Variants in RPS6KC1 observed in about 807,000 individuals in gnomAD.
RPS6KC1 encodes ribosomal protein S6 kinase C1, also known as inactive ribosomal protein S6 kinase delta-1.
Under a neutral mutation model 103.8 loss-of-function variants are expected in RPS6KC1, and 54 were observed. That is an observed-to-expected ratio of 0.52 (90% CI 0.42 to 0.65). The LOEUF (loss-of-function observed/expected upper bound fraction) is 0.65. Ranked by LOEUF, RPS6KC1 falls within the 30% of genes least tolerant of loss-of-function variation. RPS6KC1 has a pLI of 0.00. For synonymous variants in RPS6KC1, 439 were observed against 438.7 expected (o/e 1.00, Z -0.01); for missense variants, 1,151 against 1,253.8 (o/e 0.92, Z 1.24).
the RPS6KC1 span, among the ~76,000 whole-genome samples, chr1:213,281,508 G>A: frequency 8.6e-3 from 1,315 of 152,294 alleles, 44 homozygotes; most frequent in East Asian, 0.08. Flanking sequence ...CCTTTTGCCT[G>A]CACCCCATTC....
intron 3 of RPS6KC1, among the ~76,000 whole-genome samples, chr1:213,097,910 A>G (rs2081612858): frequency 6.6e-6 from 1 of 152,142 alleles, no homozygotes. Flanking sequence ...ATAGAATTAG[A>G]GAGTTAGGGC....
the RPS6KC1 span, among the ~76,000 whole-genome samples, chr1:213,398,358 G>C: frequency 2.6e-5 from 4 of 152,066 alleles, no homozygotes; most frequent in Admixed American, 2.6e-4. Context: ...CATCAGCTTT[G>C]ACTTTCATTT....
the RPS6KC1 span, among the ~76,000 whole-genome samples, chr1:213,489,562 C>G: frequency 6.6e-6 from 1 of 152,140 alleles, no homozygotes; most frequent in Non-Finnish European, 1.5e-5. Flanking sequence ...ACATAACACA[C>G]CATCCTCACT....
chr1:213,340,160 C>T, the RPS6KC1 span, among the ~76,000 whole-genome samples: 2 of 152,178 alleles, frequency 1.3e-5, no homozygotes, highest in Non-Finnish European at 2.9e-5. Context: ...GGATTACAGG[C>T]GTGAGCCACC....
chr1:213,468,549 A>G, the RPS6KC1 span, among the ~76,000 whole-genome samples: 1 of 152,178 alleles, frequency 6.6e-6, no homozygotes, highest in South Asian at 2.1e-4. Context: ...GTTTCCTGAA[A>G]TAGAGAGAGA....
chr1:213,520,936 C>T, the RPS6KC1 span, among the ~76,000 whole-genome samples: 1 of 152,190 alleles, frequency 6.6e-6, no homozygotes, highest in African/African-American at 2.4e-5. Flanking sequence ...CCTCTCCATT[C>T]CTACTCCCCA....
At chr1:213,469,765 A>G in the RPS6KC1 span, among the ~76,000 whole-genome samples, 3 of 152,304 alleles carry the variant, frequency 2.0e-5, no homozygotes, top group African/African-American at 4.8e-5. Context: ...AAAAATAACA[A>G]TTTGTCTTTG....
chr1:213,521,732 C>A, the RPS6KC1 span, among the ~76,000 whole-genome samples: 2 of 152,244 alleles, frequency 1.3e-5, no homozygotes, highest in East Asian at 3.9e-4. Flanking sequence ...TTCAGGAAAC[C>A]ATTTTCTTTG....
At chr1:213,731,083 T>C in the RPS6KC1 span, among the ~76,000 whole-genome samples, 1 of 152,208 alleles carries the variant, frequency 6.6e-6, no homozygotes, top group Non-Finnish European at 1.5e-5. Context: ...GTTGTAGGTA[T>C]GCAGTCTTAT....
chr1:213,508,284 C>T, the RPS6KC1 span, among the ~76,000 whole-genome samples: 1 of 152,172 alleles, frequency 6.6e-6, no homozygotes, highest in Admixed American at 6.5e-5. Flanking sequence ...AAATGAAAGC[C>T]AATTTCTCTG....
chr1:213,152,296 C>T (rs2089213778), intron 6 of RPS6KC1, among the ~76,000 whole-genome samples: 1 of 149,570 alleles, frequency 6.7e-6, no homozygotes, highest in South Asian at 2.1e-4. Flanking sequence ...CCCTACCTCC[C>T]TCCCGGATGG....
intron 8 of RPS6KC1, among the ~76,000 whole-genome samples, chr1:213,209,378 T>C (rs1292094937): frequency 6.6e-6 from 1 of 152,074 alleles, no homozygotes; most frequent in Non-Finnish European, 1.5e-5. Flanking sequence ...AGTCCACAGA[T>C]TAAAGTGAAA....
the RPS6KC1 span, among the ~76,000 whole-genome samples, chr1:213,510,981 A>G: frequency 2.0e-5 from 3 of 152,152 alleles, no homozygotes; most frequent in African/African-American, 4.8e-5. Flanking sequence ...GGGGAAGGAA[A>G]CAAATTCCCT....
At chr1:213,306,991 C>T in the RPS6KC1 span, among the ~76,000 whole-genome samples, 1 of 151,774 alleles carries the variant, frequency 6.6e-6, no homozygotes, top group African/African-American at 2.4e-5. Context: ...CAGTTGGTGC[C>T]AGATCTAAGT....
chr1:213,519,895 T>C, the RPS6KC1 span, among the ~76,000 whole-genome samples: 1 of 152,138 alleles, frequency 6.6e-6, no homozygotes, highest in Non-Finnish European at 1.5e-5. Context: ...TCAAATGAAC[T>C]CCAGAAAAGT....
At chr1:213,081,764 A>G (rs2079914877) in intron 3 of RPS6KC1, among the ~76,000 whole-genome samples, 1 of 152,038 alleles carries the variant, frequency 6.6e-6, no homozygotes, top group Non-Finnish European at 1.5e-5. Context: ...ATGGTGAGGA[A>G]CAGGGGCATC....
chr1:213,742,627 A>G, the RPS6KC1 span, among the ~76,000 whole-genome samples: 1 of 152,224 alleles, frequency 6.6e-6, no homozygotes, highest in African/African-American at 2.4e-5. Context: ...TCATGTTAAC[A>G]ATGTATGTAG....
At chr1:213,445,665 G>A in the RPS6KC1 span, among the ~76,000 whole-genome samples, 1 of 152,152 alleles carries the variant, frequency 6.6e-6, no homozygotes, top group African/African-American at 2.4e-5. Context: ...GTGCTTTACT[G>A]GGAAAACAAA....
the RPS6KC1 span, among the ~76,000 whole-genome samples, chr1:213,670,363 G>T: frequency 1.3e-5 from 2 of 152,202 alleles, no homozygotes; most frequent in South Asian, 4.1e-4. Flanking sequence ...GCCTGCCTAG[G>T]GGCCTGTTTT....
Sources: allele counts gnomAD v4.1 joint callset (sites outside exome capture counted in the v4.1 genomes callset), GRCh38; gene constraint gnomAD v4.1.1; transcripts MANE v1.5; gene names NCBI Gene and HGNC (gene_info 2026-07-23, HGNC 2026-07-21).